RABGAP1: variants seen among roughly 807,000 people sequenced by gnomAD.
RABGAP1 encodes rab GTPase-activating protein 1.
Under a neutral mutation model 137.6 loss-of-function variants are expected in RABGAP1, and 23 were observed. The observed-to-expected ratio is 0.17, with a 90% CI of 0.12 to 0.24. The LOEUF (loss-of-function observed/expected upper bound fraction) is 0.24. RABGAP1 is among the 10% of genes least tolerant of loss of function. RABGAP1 has a pLI of 1.00. For synonymous variants in RABGAP1, 451 were observed against 450.7 expected, an observed-to-expected ratio of 1.00 and a Z score of -0.01; for missense variants, 906 against 1,275.8, an observed-to-expected ratio of 0.71 and a Z score of 4.42.
At chr9:122,953,546 C>A (rs1026610915) in intron 1 of RABGAP1, among the ~76,000 whole-genome samples, 1 of 152,000 alleles carries the variant, frequency 6.6e-6, no homozygotes, top group Non-Finnish European at 1.5e-5. Flanking sequence ...GGACTACAGG[C>A]GTGCGCCACC....
Position 123,090,262 on chromosome 9 carries a change from T to G in RABGAP1, c.2518-13T>G. On this transcript the variant is annotated splice_polypyrimidine_tract_variant and intron_variant, in intron 20 of 25. Coordinates refer to ENST00000373647, the MANE Select transcript of RABGAP1 (RefSeq NM_012197.4). ...TTTTATGTGTCTGTAACTGGTTTCT[T>G]TCTACCCTTCAGCGGGAGAATAGGC... The G allele has an allele frequency of 6.3e-7, 1 of 1,595,192 alleles. No individual in the cohort carries two copies. Among genetic ancestry groups the G allele is most frequent in the Non-Finnish European group, 8.6e-7 (1 of 1,166,894 alleles).
chr9:122,953,214 A>T (rs551142706), intron 1 of RABGAP1, among the ~76,000 whole-genome samples: 18 of 152,178 alleles, frequency 1.2e-4, no homozygotes, highest in Non-Finnish European at 2.2e-4. Flanking sequence ...AATTTTTTTG[A>T]ATTTGAAGTT....
intron 12 of RABGAP1, among the ~76,000 whole-genome samples, chr9:123,018,090 G>A (rs902357239): frequency 6.6e-6 from 1 of 152,146 alleles, no homozygotes; most frequent in African/African-American, 2.4e-5. Context: ...GCCCCCCGGG[G>A]TTCATGCCAT....
chr9:122,985,003 G>A lies in RABGAP1; in HGVS notation c.385+284G>A, dbSNP rs559694723. On this transcript the variant is annotated intron_variant, in intron 3 of 25. Transcript: ENST00000373647. ...TCTTTTTTTTTTTCCCCCCAGGAAT[G>A]CTTAAAGATTTTTCAAATAAAGAAG... 2.9e-3 allele frequency among the ~76,000 whole-genome samples: 443 copies of A among 150,344 alleles called. 2 individuals are homozygous for A. The highest frequency in any genetic ancestry group is 0.01 in the African/African-American group (419 of 40,962).
chr9:123,085,044 G>A (rs1417789394), intron 19 of RABGAP1, among the ~76,000 whole-genome samples: 1 of 152,108 alleles, frequency 6.6e-6, no homozygotes, highest in African/African-American at 2.4e-5. Flanking sequence ...CTGTTCCAGG[G>A]GCTGATCAGA....
chr9:123,020,038 CTTTTTTT>C (rs1214217042), intron 12 of RABGAP1, among the ~76,000 whole-genome samples: 2 of 142,780 alleles, frequency 1.4e-5, no homozygotes, highest in East Asian at 4.6e-4. Context: ...TCCAGTTTTG[CTTTTTTT>C]TTTTTTTTTT....
At chr9:123,059,423 C>A (rs376102219) in intron 13 of RABGAP1, among the ~76,000 whole-genome samples, 1 of 151,992 alleles carries the variant, frequency 6.6e-6, no homozygotes, top group Non-Finnish European at 1.5e-5. Context: ...GGCGTGGTGG[C>A]GGGCACCTGT....
intron 21 of RABGAP1, among the ~76,000 whole-genome samples, 166 bp downstream of exon 21, chr9:123,090,551 T>C (rs535672117): frequency 4.1e-4 from 62 of 152,356 alleles, no homozygotes; most frequent in African/African-American, 1.3e-3. Flanking sequence ...CTTCAGGAAT[T>C]ATCTGTTGTC....
intron 1 of RABGAP1, among the ~76,000 whole-genome samples, chr9:122,954,939 A>G (rs962841236): frequency 6.6e-6 from 1 of 152,242 alleles, no homozygotes; most frequent in African/African-American, 2.4e-5. Flanking sequence ...GGCACTCACC[A>G]TTAAATTATA....
At chr9:123,059,002 A>C (rs1174455557) in intron 13 of RABGAP1, among the ~76,000 whole-genome samples, 4 of 152,182 alleles carry the variant, frequency 2.6e-5, no homozygotes, top group Non-Finnish European at 4.4e-5. Context: ...TACTTACTAC[A>C]TGGTTCAAGT....
intron 13 of RABGAP1, among the ~76,000 whole-genome samples, chr9:123,056,521 C>G (rs1220325107): frequency 4.1e-5 from 5 of 123,118 alleles, no homozygotes; most frequent in African/African-American, 1.3e-4. Context: ...TTGGGTGTTT[C>G]TTGCAGAGTG....
At chr9:123,023,747 TA>T (rs2031791295) in intron 13 of RABGAP1, among the ~76,000 whole-genome samples, 1 of 152,248 alleles carries the variant, frequency 6.6e-6, no homozygotes, top group Non-Finnish European at 1.5e-5. Context: ...TTGTACATAT[TA>T]TACTTATTTA....
chr9:123,054,814 C>G (rs1019384328), intron 13 of RABGAP1, among the ~76,000 whole-genome samples: 4 of 151,984 alleles, frequency 2.6e-5, no homozygotes, highest in Admixed American at 6.6e-5. Flanking sequence ...TGAAATTTGT[C>G]TGATTTTTTT....
chr9:123,068,925 A>G (rs1169766909), intron 14 of RABGAP1, among the ~76,000 whole-genome samples: 1 of 152,226 alleles, frequency 6.6e-6, no homozygotes, highest in Non-Finnish European at 1.5e-5. Flanking sequence ...GACACAGAGC[A>G]ACTTTGGCAC....
chr9:123,018,731 A>G (rs1023024039), intron 12 of RABGAP1, among the ~76,000 whole-genome samples: 4 of 152,272 alleles, frequency 2.6e-5, no homozygotes, highest in African/African-American at 7.2e-5. Context: ...CACAGAATAA[A>G]TCACTTTTAA....
intron 13 of RABGAP1, among the ~76,000 whole-genome samples, chr9:123,027,263 G>A (rs2032032083): frequency 6.6e-6 from 1 of 152,206 alleles, no homozygotes; most frequent in Middle Eastern, 3.4e-3. Context: ...CTACAGGCAT[G>A]TGCCACCATG....
rs774158493 is a variant in RABGAP1 at position 122,998,559 on chromosome 9, C to T, written c.1205-38C>T. The T allele has an allele frequency of 7.2e-6, 10 of 1,385,452 alleles. No individual in the cohort carries two copies. The South Asian group carries it at 1.4e-4, about 20-fold the overall frequency. 85.8% of individuals were successfully genotyped at this position (1,385,452 alleles called of 1,614,324 possible). The stretch of plus-strand genomic sequence containing the variant: ...CTTATGAGCAAATATATTTGTGTTT[C>T]TGATTTACCTCTTCAGCCTCTCTCT... On this transcript the variant is annotated intron_variant, in intron 9 of 25. Coordinates refer to ENST00000373647, the MANE Select transcript of RABGAP1 (RefSeq NM_012197.4).
chr9:122,992,787 A>T (rs1012366221), intron 6 of RABGAP1, among the ~76,000 whole-genome samples: 19 of 148,810 alleles, frequency 1.3e-4, no homozygotes, highest in Middle Eastern at 3.3e-3. Context: ...TATACTTACT[A>T]TTATACCTAA....
chr9:123,053,973 C>G (rs1441023315), intron 13 of RABGAP1, among the ~76,000 whole-genome samples: 4 of 152,176 alleles, frequency 2.6e-5, no homozygotes, highest in Admixed American at 6.5e-5. Context: ...CCAATTCTCA[C>G]AGTAAGGTAT....
Sources: gnomAD v4.1 joint callset for allele counts (sites outside exome capture counted in the v4.1 genomes callset) on GRCh38, gnomAD v4.1.1 for gene constraint, MANE v1.5 for transcripts, NCBI Gene and HGNC (gene_info 2026-07-23, HGNC 2026-07-21) for gene names.